Variants in ARHGAP31 observed in about 807,000 individuals in gnomAD.
ARHGAP31 encodes rho GTPase-activating protein 31.
Under a neutral mutation model 113.9 loss-of-function variants are expected in ARHGAP31, and 34 were observed. The observed-to-expected ratio is 0.30, with a 90% CI of 0.23 to 0.40. The LOEUF (loss-of-function observed/expected upper bound fraction) is 0.40, where lower values mean the gene tolerates loss of function less well. Among genes scored for constraint, ARHGAP31 ranks in the 10% least tolerant of loss-of-function variants. The pLI is 1.00. For synonymous variants in ARHGAP31, 650 were observed against 684.8 expected (o/e 0.95, Z 0.79); for missense variants, 1,548 against 1,767.1 (o/e 0.88, Z 2.22).
intron 1 of ARHGAP31, among the ~76,000 whole-genome samples, chr3:119,320,509 T>G (rs2079772927): frequency 6.6e-6 from 1 of 152,196 alleles, no homozygotes. Context: ...TAAAAAATAT[T>G]ATCCTGATAA....
At chr3:119,351,227 G>A (rs1261237648) in intron 1 of ARHGAP31, among the ~76,000 whole-genome samples, 1 of 152,188 alleles carries the variant, frequency 6.6e-6, no homozygotes, top group Admixed American at 6.5e-5. Context: ...AATCTCATAC[G>A]TGTAGATTAG....
At chr3:119,377,939 G>A (rs1433854795) in intron 3 of ARHGAP31, among the ~76,000 whole-genome samples, 3 of 152,022 alleles carry the variant, frequency 2.0e-5, no homozygotes, top group African/African-American at 7.3e-5. Flanking sequence ...CTGGTGACAG[G>A]GCTGCCCGGG....
chr3:119,412,757 C>T (rs944555266), intron 11 of ARHGAP31, among the ~76,000 whole-genome samples: 2 of 152,182 alleles, frequency 1.3e-5, no homozygotes, highest in Non-Finnish European at 2.9e-5. Context: ...GGCGTGGTGG[C>T]TCACACCTGT....
chr3:119,335,747 G>A (rs1376468197), intron 1 of ARHGAP31, among the ~76,000 whole-genome samples: 1 of 152,186 alleles, frequency 6.6e-6, no homozygotes, highest in Non-Finnish European at 1.5e-5. Flanking sequence ...AGTTGTTCTG[G>A]TTTTGGGGTT....
intron 1 of ARHGAP31, among the ~76,000 whole-genome samples, chr3:119,328,727 G>A (rs904368372): frequency 6.6e-6 from 1 of 151,774 alleles, no homozygotes; most frequent in South Asian, 2.1e-4. Flanking sequence ...TGCAACCTCC[G>A]CCTCCTGAGT....
intron 1 of ARHGAP31, among the ~76,000 whole-genome samples, chr3:119,326,320 GT>G (rs2079843755): frequency 6.6e-6 from 1 of 152,168 alleles, no homozygotes; most frequent in African/African-American, 2.4e-5. Context: ...TGTGGATCTT[GT>G]TAAAATTAGG....
At chr3:119,346,353 A>C (rs2080056783) in intron 1 of ARHGAP31, among the ~76,000 whole-genome samples, 2 of 152,180 alleles carry the variant, frequency 1.3e-5, no homozygotes, top group Non-Finnish European at 2.9e-5. Flanking sequence ...GAGAAAGCAA[A>C]TTTATAGAAG....
intron 1 of ARHGAP31, chr3:119,324,930 TACTTA>T (rs1343068198): frequency 2.2e-6 from 1 of 456,626 alleles, no homozygotes. Context: ...TGCTATACTT[TACTTA>T]AAAGGTGAAA....
Position 119,294,824 on chromosome 3 carries a change from T to C in ARHGAP31, c.-81T>C. The C allele has an allele frequency of 7.5e-7, 1 of 1,331,820 alleles. No homozygotes were observed. Among genetic ancestry groups the C allele is most frequent in the Non-Finnish European group, 1.1e-6 (1 of 925,724 alleles). 82.5% of individuals were successfully genotyped at this position (1,331,820 alleles called of 1,614,324 possible). ...CCCAGAGCCGCGGGGCAGCCGGTGA[T>C]CTAGCCCGGGAGCCCATCTTACAGC... On this transcript the variant is annotated 5_prime_UTR_variant, in exon 1 of 12. Coordinates refer to ENST00000264245, the MANE Select transcript of ARHGAP31 (RefSeq NM_020754.4).
intron 1 of ARHGAP31, among the ~76,000 whole-genome samples, chr3:119,315,466 G>A (rs151077351): frequency 6.6e-6 from 1 of 152,340 alleles, no homozygotes; most frequent in Non-Finnish European, 1.5e-5. Flanking sequence ...AGCAGAGCAC[G>A]ATGATCACCT....
At chr3:119,378,439 C>T (rs1254231935) in intron 3 of ARHGAP31, among the ~76,000 whole-genome samples, 1 of 152,190 alleles carries the variant, frequency 6.6e-6, no homozygotes, top group East Asian at 1.9e-4. Flanking sequence ...TGCCCCGCCT[C>T]TTGGAGAACA....
chr3:119,321,293 ATAGTAT>A (rs1437894582), intron 1 of ARHGAP31, among the ~76,000 whole-genome samples: 1 of 147,022 alleles, frequency 6.8e-6, no homozygotes, highest in African/African-American at 2.5e-5. Flanking sequence ...ATATATATAT[ATAGTAT>A]ATATATATGT....
chr3:119,328,400 A>G (rs2079863637), intron 1 of ARHGAP31, among the ~76,000 whole-genome samples: 1 of 152,138 alleles, frequency 6.6e-6, no homozygotes, highest in Non-Finnish European at 1.5e-5. Flanking sequence ...GGAAACTCCT[A>G]CCTCACAAAG....
intron 1 of ARHGAP31, among the ~76,000 whole-genome samples, chr3:119,318,850 A>T (rs2079757899): frequency 6.6e-6 from 1 of 152,216 alleles, no homozygotes; most frequent in Non-Finnish European, 1.5e-5. Flanking sequence ...CTGGGAAAAA[A>T]TTGAGAAGGT....
intron 1 of ARHGAP31, among the ~76,000 whole-genome samples, chr3:119,295,632 CAG>C (rs776912366): frequency 3.3e-5 from 5 of 151,956 alleles, no homozygotes; most frequent in Non-Finnish European, 5.9e-5. Flanking sequence ...TCTTGGCTTT[CAG>C]ATTAACATTT....
intron 1 of ARHGAP31, among the ~76,000 whole-genome samples, chr3:119,304,069 C>A (rs1246453367): frequency 2.6e-5 from 4 of 152,156 alleles, no homozygotes; most frequent in African/African-American, 4.8e-5. Context: ...GCTGGGATTA[C>A]AGGTGTAAGC....
In ARHGAP31 at chr3:119,417,691, G is replaced by C. The variant is rs2080790527; in HGVS notation, c.*1427G>C. On this transcript the variant is annotated 3_prime_UTR_variant, in exon 12 of 12. Coordinates refer to ENST00000264245, the MANE Select transcript of ARHGAP31 (RefSeq NM_020754.4). Reference sequence around the variant, plus strand: ...TCTTCAACTCTGTATACAAGCAGAAGCAATAAACCAATCTGATTTTCTTTT... The same window carrying C: ...TCTTCAACTCTGTATACAAGCAGAACCAATAAACCAATCTGATTTTCTTTT... 6.6e-6 allele frequency: 1 copy of C among 151,992 alleles called. No individual in the cohort carries two copies. Among genetic ancestry groups the C allele is most frequent in the South Asian group, 2.1e-4 (1 of 4,818 alleles). The allele number at this position is 151,992 out of a possible 1,614,324, so 9.4% of individuals were successfully genotyped here.
In ARHGAP31 at chr3:119,401,837, G is replaced by A; in HGVS notation, c.1085G>A (p.Gly362Glu). ...SVPVEGKETKGNFNRTVTTGG... is the reference protein window; with the variant it reads ...SVPVEGKETKENFNRTVTTGG... ...TTTTTACTAGGAAAAGAAACCAAGGGAAATTTCAATCGAACAGTTACCACC... is the reference window on the plus strand; with the variant it reads ...TTTTTACTAGGAAAAGAAACCAAGGAAAATTTCAATCGAACAGTTACCACC... The change falls in exon 10 of 12, where the codon GGA becomes GAA. Residue 362 changes from glycine (G) to glutamate (E), a missense_variant. Coordinates refer to ENST00000264245, the MANE Select transcript of ARHGAP31 (RefSeq NM_020754.4). 1 of 1,614,008 alleles carries A rather than the reference G, an allele frequency of 6.2e-7. No homozygotes were observed. Among genetic ancestry groups the A allele is most frequent in the South Asian group, 1.1e-5 (1 of 91,052 alleles).
intron 5 of ARHGAP31, 123 bp from the exon 6 acceptor site, chr3:119,382,961 A>G: frequency 1.5e-6 from 2 of 1,301,102 alleles, no homozygotes; most frequent in Non-Finnish European, 2.2e-6. Context: ...TAAATAATTA[A>G]AATATTCTAT....
Sources: gnomAD v4.1 joint callset for allele counts (sites outside exome capture counted in the v4.1 genomes callset) on GRCh38, gnomAD v4.1.1 for gene constraint, MANE v1.5 for transcripts, NCBI Gene and HGNC (gene_info 2026-07-23, HGNC 2026-07-21) for gene names.